The following GRM8 variants were observed in gnomAD, a reference collection of about 807,000 sequenced individuals.
GRM8 encodes the protein metabotropic glutamate receptor 8.
A neutral mutation model predicts 87.2 loss-of-function variants in GRM8; 47 were observed. The observed-to-expected ratio is 0.54, with a 90% CI of 0.43 to 0.69. The LOEUF is 0.69. GRM8 is among the 30% of genes least tolerant of loss of function. The pLI is 0.00. For missense variants in GRM8, 1,019 were observed against 1,139.2 expected (o/e 0.89, Z 1.52); for synonymous variants, 396 against 404.5 (o/e 0.98, Z 0.25).
rs573558393 is a variant in GRM8 at position 126,479,873 on chromosome 7, C to A, written c.2431-33501G>T. Among the ~76,000 whole-genome samples the A allele has an allele frequency of 2.6e-5, 4 of 152,098 alleles. No homozygotes were observed. In the South Asian group the frequency reaches 6.2e-4, roughly 24 times the overall value. On this transcript the variant is annotated intron_variant, in intron 9 of 10. Coordinates refer to ENST00000339582, the MANE Select transcript of GRM8 (RefSeq NM_000845.3). ...TAGCTCTATCATATTATAATCTCAG[C>A]AATATACAAGGTTCCAATTTCTCCA...
At chr7:127,178,458 C>G (rs1794240817) in intron 2 of GRM8, among the ~76,000 whole-genome samples, 1 of 151,932 alleles carries the variant, frequency 6.6e-6, no homozygotes, top group African/African-American at 2.4e-5. Context: ...ATTTCCTTGG[C>G]CTTGCTAGAG....
intron 2 of GRM8, among the ~76,000 whole-genome samples, chr7:127,187,505 G>T (rs1040796478): frequency 6.6e-6 from 1 of 152,084 alleles, no homozygotes; most frequent in African/African-American, 2.4e-5. Flanking sequence ...TTAAATTCAG[G>T]GTTTTTCATA....
At chr7:126,994,752 T>G (rs1467966517) in intron 3 of GRM8, among the ~76,000 whole-genome samples, 1 of 149,998 alleles carries the variant, frequency 6.7e-6, no homozygotes, top group Non-Finnish European at 1.5e-5. Flanking sequence ...GATTTCTAAG[T>G]TTTTTTTTTA....
At chr7:126,560,556 G>T (rs1793590387) in intron 8 of GRM8, among the ~76,000 whole-genome samples, 1 of 152,038 alleles carries the variant, frequency 6.6e-6, no homozygotes, top group Non-Finnish European at 1.5e-5. Context: ...CCACAGATAA[G>T]ATTTACTGAT....
chr7:127,115,417 A>T (rs1034092314), intron 2 of GRM8, among the ~76,000 whole-genome samples: 1 of 152,200 alleles, frequency 6.6e-6, no homozygotes, highest in Non-Finnish European at 1.5e-5. Context: ...ACACTAAGAC[A>T]TTTTGATTTG....
At chr7:126,932,741 A>C (rs1805894665) in intron 3 of GRM8, among the ~76,000 whole-genome samples, 1 of 152,210 alleles carries the variant, frequency 6.6e-6, no homozygotes, top group South Asian at 2.1e-4. Context: ...TATGTGAAAA[A>C]AGAATAATAG....
chr7:127,054,803 A>G (rs1418553069), intron 3 of GRM8, among the ~76,000 whole-genome samples: 2 of 152,178 alleles, frequency 1.3e-5, no homozygotes, highest in Admixed American at 6.5e-5. Context: ...ACCAAAATAG[A>G]TATGGTAGTG....
intron 7 of GRM8, among the ~76,000 whole-genome samples, chr7:126,754,537 T>C (rs572869613): frequency 3.7e-4 from 56 of 152,036 alleles, no homozygotes; most frequent in Non-Finnish European, 6.3e-4. Flanking sequence ...TGTTCAAAGA[T>C]ATGAAGCAAT....
chr7:126,739,810 T>C (rs1027785535), intron 7 of GRM8, among the ~76,000 whole-genome samples: 4 of 152,132 alleles, frequency 2.6e-5, no homozygotes, highest in Non-Finnish European at 5.9e-5. Flanking sequence ...TAATTTTCTA[T>C]GTTTAGATAG....
At chr7:126,729,539 C>T (rs1022283353) in intron 7 of GRM8, among the ~76,000 whole-genome samples, 10 of 152,162 alleles carry the variant, frequency 6.6e-5, no homozygotes, top group East Asian at 3.9e-4. Context: ...CTTAGTTCTC[C>T]ACTCTTTTAC....
intron 3 of GRM8, among the ~76,000 whole-genome samples, chr7:127,040,039 TGAGGAGG>T (rs1818265832): frequency 9.5e-5 from 1 of 10,522 alleles, no homozygotes; most frequent in Non-Finnish European, 1.8e-4. Flanking sequence ...GAGGGGAGGG[TGAGGAGG>T]GTGGGGAGGA....
intron 8 of GRM8, among the ~76,000 whole-genome samples, chr7:126,534,609 G>T (rs1184382794): frequency 1.3e-5 from 2 of 152,078 alleles, no homozygotes; most frequent in Non-Finnish European, 2.9e-5. Flanking sequence ...TCCCCACTTT[G>T]CTTAGTATCG....
At chr7:127,087,413 A>G (rs2132857373) in intron 3 of GRM8, among the ~76,000 whole-genome samples, 1 of 152,368 alleles carries the variant, frequency 6.6e-6, no homozygotes, top group South Asian at 2.1e-4. Context: ...CAGGTGTAAA[A>G]TCAGTAGGAA....
At chr7:126,708,629 G>A (rs891951227) in intron 7 of GRM8, among the ~76,000 whole-genome samples, 1 of 151,492 alleles carries the variant, frequency 6.6e-6, no homozygotes, top group Middle Eastern at 3.2e-3. Context: ...ACATACAGTA[G>A]AGTACTATTC....
chr7:126,576,883 T>C (rs1795161551), intron 8 of GRM8, among the ~76,000 whole-genome samples: 2 of 152,192 alleles, frequency 1.3e-5, no homozygotes, highest in African/African-American at 2.4e-5. Flanking sequence ...ATTGACTCTG[T>C]TGTATCCTTT....
intron 7 of GRM8, among the ~76,000 whole-genome samples, chr7:126,654,066 A>G (rs977911393): frequency 6.6e-6 from 1 of 152,244 alleles, no homozygotes; most frequent in Non-Finnish European, 1.5e-5. Flanking sequence ...GTCATCCATT[A>G]GAATTCAAGT....
chr7:126,782,244 T>G (rs1008607904), intron 6 of GRM8, among the ~76,000 whole-genome samples: 2 of 152,136 alleles, frequency 1.3e-5, no homozygotes, highest in Non-Finnish European at 2.9e-5. Context: ...AAAAAAAATT[T>G]GAAACTCATT....
intron 9 of GRM8, among the ~76,000 whole-genome samples, chr7:126,516,920 T>G (rs2150771327): frequency 6.6e-6 from 1 of 152,206 alleles, no homozygotes; most frequent in African/African-American, 2.4e-5. Flanking sequence ...TATTTAAAGA[T>G]TTCTTGACAG....
intron 6 of GRM8, among the ~76,000 whole-genome samples, chr7:126,845,519 T>C (rs1796639355): frequency 6.6e-6 from 1 of 152,138 alleles, no homozygotes; most frequent in African/African-American, 2.4e-5. Flanking sequence ...AATGAATCAT[T>C]CATTACTAAA....
Sources: gnomAD v4.1 joint callset for allele counts (sites outside exome capture counted in the v4.1 genomes callset) on GRCh38, gnomAD v4.1.1 for gene constraint, MANE v1.5 for transcripts, NCBI Gene and HGNC (gene_info 2026-07-23, HGNC 2026-07-21) for gene names.